Variants in HTATSF1 observed in about 807,000 individuals in gnomAD.
HTATSF1 encodes 17S U2 SnRNP complex component HTATSF1.
A neutral mutation model predicts 46.1 loss-of-function variants in HTATSF1; 6 were observed. That is an observed-to-expected ratio of 0.13 (90% confidence interval 0.07 to 0.26). The LOEUF (loss-of-function observed/expected upper bound fraction) is 0.26. Among genes scored for constraint, HTATSF1 ranks in the 10% least tolerant of loss-of-function variants. The probability of loss-of-function intolerance (pLI) is 1.00; values close to 1 mark genes in which losing one functional copy is unlikely to be tolerated. For synonymous variants in HTATSF1, 226 were observed against 211.5 expected (o/e 1.07, Z -0.60); for missense variants, 452 against 559.9 (o/e 0.81, Z 1.94).
In HTATSF1 at chrX:136,511,347, C is replaced by G; in HGVS notation, c.1602C>G (p.Gly534=). Residue 534 remains glycine (G), a synonymous_variant, in exon 9 of 9, where the codon GGC becomes GGG. Coordinates refer to ENST00000218364, the MANE Select transcript of HTATSF1 (RefSeq NM_014500.5). ...ACAAGGAGTCTGAAGAGGAGGTTGG[C>G]CCCACAAAAGAGTCCGAAGAAGATG... ...DLNKESEEEV[G]PTKESEEDDS... is the part of the protein sequence containing the mutation. 8.3e-7 allele frequency: 1 copy of G among 1,207,633 alleles called. No individual in the cohort carries two copies. Among genetic ancestry groups the G allele is most frequent in the Non-Finnish European group, 1.1e-6 (1 of 894,133 alleles).
Position 136,511,726 on chromosome X carries a change from A to T in HTATSF1, c.1981A>T (p.Lys661Ter). The stretch of plus-strand genomic sequence containing the variant: ...TGAAAAGGGGCTTGAAGCTGCTGAT[A>T]AAAAGGCGGAAGAAGGTGATGCAGA... ...ADEKGLEAAD[K>*]KAEEGDADEK... The change falls in exon 9 of 9, where the codon AAA becomes TAA. Residue 661 changes from lysine to a stop codon, truncating the protein, a stop_gained. Coordinates refer to ENST00000218364, the MANE Select transcript of HTATSF1 (RefSeq NM_014500.5). LOFTEE classifies it high-confidence loss of function. The T allele has an allele frequency of 8.3e-7, 1 of 1,211,725 alleles. No homozygotes were observed. The highest frequency in any genetic ancestry group is 1.1e-6 in the Non-Finnish European group (1 of 895,361).
At position 136,505,363 on chromosome X, in the gene HTATSF1, T is replaced by G. The variant is rs150231585; in HGVS notation, c.834+900T>G. On this transcript the variant is annotated intron_variant, in intron 6 of 8. Transcript: ENST00000218364. ...AGGGCCCCAAAATGGACAGTTCAGC[T>G]CTATCTCAATGAATAGTGTTGTGAT... 1.8e-4 allele frequency among the ~76,000 whole-genome samples: 20 copies of G among 111,819 alleles called. No homozygotes were observed. The East Asian group carries it at 5.6e-3, about 31-fold the overall frequency.
intron 6 of HTATSF1, among the ~76,000 whole-genome samples, chrX:136,508,351 T>G (rs549023632): frequency 1.5e-3 from 173 of 112,361 alleles, no homozygotes; most frequent in South Asian, 2.9e-3. Context: ...GCATTGGTAC[T>G]TGGAGAGAGA....
rs1342011943 is a variant in HTATSF1 at position 136,510,872 on chromosome X, C to T, written c.1127C>T (p.Pro376Leu). Residue 376 changes from proline to leucine, a missense_variant, in exon 9 of 9, where the codon CCT (proline) becomes CTT (leucine). Physicochemically the swap from Pro to Leu is moderately conservative, Grantham distance 98. Coordinates refer to ENST00000218364, the MANE Select transcript of HTATSF1 (RefSeq NM_014500.5). ...LRGWEAFLNA[P>L]EANRGLRRSD... ...GGATGGGAGGCTTTCCTCAATGCTC[C>T]TGAGGCCAACAGAGGCCTTAGGCGT... is the stretch of plus-strand genomic sequence containing the variant. The T allele has an allele frequency of 8.3e-7, 1 of 1,208,432 alleles. No homozygotes were observed. Among genetic ancestry groups the T allele is most frequent in the African/African-American group, 1.8e-5 (1 of 57,125 alleles).
chrX:136,504,433 C>G lies in HTATSF1; in HGVS notation c.804C>G (p.Ile268Met). 8.3e-7 allele frequency: 1 copy of G among 1,207,592 alleles called. No individual in the cohort carries two copies. Among genetic ancestry groups the G allele is most frequent in the Non-Finnish European group, 1.1e-6 (1 of 892,782 alleles). ...TGCGCCATGAGCGAGTTGTCATCAT[C>G]AAGAATATGTTTCATCCTATGGATT... ...SRMRHERVVI[I>M]KNMFHPMDFE... Residue 268 changes from isoleucine (I) to methionine (M), a missense_variant, in exon 6 of 9, where the codon ATC (isoleucine) becomes ATG (methionine). This residue lies in a region of HTATSF1 where 117 missense variants were observed against 222.2 expected (regional missense o/e 0.53). Coordinates refer to ENST00000218364, the MANE Select transcript of HTATSF1 (RefSeq NM_014500.5).
chrX:136,504,539 C>A, intron 6 of HTATSF1, 76 bp downstream of exon 6: 1 of 755,771 alleles, frequency 1.3e-6, no homozygotes. Flanking sequence ...GCTTGCCTCG[C>A]CTCATCTTTG....
At chrX:136,503,470 G>C (rs907229596) in intron 5 of HTATSF1, among the ~76,000 whole-genome samples, 2 of 112,085 alleles carry the variant, frequency 1.8e-5, no homozygotes, top group East Asian at 5.5e-4. Flanking sequence ...TTTTATCAGA[G>C]TAAATTCTAA....
intron 4 of HTATSF1, among the ~76,000 whole-genome samples, chrX:136,501,581 A>G (rs2075718424): frequency 8.9e-6 from 1 of 112,396 alleles, no homozygotes; most frequent in Non-Finnish European, 1.9e-5. Context: ...TGTGTTATAC[A>G]TTATCACAGG....
chrX:136,510,331 C>T (rs1406735050), intron 8 of HTATSF1, 112 bp downstream of exon 8: 17 of 536,424 alleles, frequency 3.2e-5, no homozygotes, highest in Middle Eastern at 4.6e-4. Context: ...AACAATGCTT[C>T]TTTTATTTTT....
Position 136,512,061 on chromosome X carries a change from G to A in HTATSF1, c.*48G>A, listed in dbSNP as rs201412995. ...GAGAGTCCTCCATCTACATTTGCCT[G>A]TGCTTCAGGGTAATTACTAGTAGTG... is the stretch of plus-strand genomic sequence containing the variant. On this transcript the variant is annotated 3_prime_UTR_variant, in exon 9 of 9. Coordinates refer to ENST00000218364, the MANE Select transcript of HTATSF1 (RefSeq NM_014500.5). The A allele has an allele frequency of 1.9e-4, 216 of 1,122,336 alleles. No homozygotes were observed. In the African/African-American group the frequency reaches 3.4e-3, roughly 18 times the overall value. The allele number at this position is 1,122,336 out of a possible 1,213,427, so 92.5% of individuals were successfully genotyped here. A position where few individuals can be genotyped will look rare whatever the true frequency, so the allele number is the denominator to read the frequency against.
At position 136,510,979 on chromosome X, in the gene HTATSF1, A is replaced by G. The variant is rs2075764495; in HGVS notation, c.1234A>G (p.Asn412Asp). 2 of 1,211,624 alleles carry G rather than the reference A, an allele frequency of 1.7e-6. No individual in the cohort carries two copies. The highest frequency in any genetic ancestry group is 1.7e-5 in the African/African-American group (1 of 57,867). ...FSEHPSTSKM[N>D]AQETATGMAF... ...AGAGCACCCCAGCACATCTAAAATGAATGCTCAAGAAACTGCAACTGGAAT... is the reference window on the plus strand; with the variant it reads ...AGAGCACCCCAGCACATCTAAAATGGATGCTCAAGAAACTGCAACTGGAAT... Residue 412 changes from asparagine to aspartate, a missense_variant, in exon 9 of 9, where the codon AAT (asparagine) becomes GAT (aspartate). Asn to Asp is a conservative substitution (Grantham distance 23). This residue lies in a region of HTATSF1 where 246 missense variants were observed against 245.3 expected (regional missense o/e 1.00). Coordinates refer to ENST00000218364, the MANE Select transcript of HTATSF1 (RefSeq NM_014500.5).
At chrX:136,505,683 T>A (rs2075738633) in intron 6 of HTATSF1, among the ~76,000 whole-genome samples, 1 of 111,679 alleles carries the variant, frequency 9.0e-6, no homozygotes, top group Non-Finnish European at 1.9e-5. Context: ...TCCCAGCTAC[T>A]CAGGAGGCTG....
At chrX:136,503,055 TCA>T in intron 5 of HTATSF1, 114 bp downstream of exon 5, 1 of 419,080 alleles carries the variant, frequency 2.4e-6, no homozygotes, top group Non-Finnish European at 3.8e-6. Flanking sequence ...TAAAATAATT[TCA>T]TTAGCTCATC....
chrX:136,506,191 T>G (rs2075741292), intron 6 of HTATSF1, among the ~76,000 whole-genome samples: 1 of 112,090 alleles, frequency 8.9e-6, no homozygotes, highest in Admixed American at 9.4e-5. Flanking sequence ...TAACAAATAT[T>G]CTTTCCCCAA....
chrX:136,510,072 A>C lies in HTATSF1; in HGVS notation c.925-10A>C, dbSNP rs776548430. ...CATTCATTCCTTTTTTTTCTTTCTT[A>C]TCTTTCTAGAGGCACCCAGATGGTG... On this transcript the variant is annotated splice_polypyrimidine_tract_variant and intron_variant, in intron 7 of 8. Transcript: ENST00000218364. 8.5e-7 allele frequency: 1 copy of C among 1,180,329 alleles called. No homozygotes were observed. Among genetic ancestry groups the C allele is most frequent in the East Asian group, 3.0e-5 (1 of 33,146 alleles).
chrX:136,509,529 A>G (rs1308139992), intron 7 of HTATSF1, among the ~76,000 whole-genome samples: 1 of 111,982 alleles, frequency 8.9e-6, no homozygotes, highest in Non-Finnish European at 1.9e-5. Flanking sequence ...ATCAGGGACA[A>G]TATTCTCCTG....
chrX:136,509,174 C>G lies in HTATSF1; in HGVS notation c.918C>G (p.Leu306=). The part of the protein sequence containing the change: ...SKFGQIRKLL[L]FDRHPDGVAS... The stretch of plus-strand genomic sequence containing the variant: ...TTGGACAAATTAGGAAACTCCTTCT[C>G]TTTGATGTAAGTTCATGGCTTGGAC... The change falls in exon 7 of 9, where the codon CTC becomes CTG. Residue 306 remains leucine, a synonymous_variant. Coordinates refer to ENST00000218364, the MANE Select transcript of HTATSF1 (RefSeq NM_014500.5). 1 of 1,178,209 alleles carries G rather than the reference C, an allele frequency of 8.5e-7. No homozygotes were observed. The highest frequency in any genetic ancestry group is 3.0e-5 in the East Asian group (1 of 33,692).
At chrX:136,505,134 CTT>C (rs939533875) in intron 6 of HTATSF1, among the ~76,000 whole-genome samples, 2 of 112,065 alleles carry the variant, frequency 1.8e-5, no homozygotes, top group Admixed American at 9.4e-5. Context: ...AGAAACAACT[CTT>C]TATTCTCTCC....
chrX:136,511,293 C>T lies in HTATSF1; in HGVS notation c.1548C>T (p.Gly516=). The change falls in exon 9 of 9, where the codon GGC becomes GGT. Residue 516 remains glycine (G), a synonymous_variant. Transcript: ENST00000218364. Reference sequence around the variant, plus strand: ...TCAAAAATGATTGTGAAGAGAATGGCCTTGCAAAGGAATCTGAAGATGACC... The same window carrying T: ...TCAAAAATGATTGTGAAGAGAATGGTCTTGCAAAGGAATCTGAAGATGACC... ...KTLKNDCEEN[G]LAKESEDDLN... is the part of the protein sequence containing the mutation. 1.7e-6 allele frequency: 2 copies of T among 1,207,766 alleles called. No individual in the cohort carries two copies. The highest frequency in any genetic ancestry group is 4.6e-4 in the Middle Eastern group (2 of 4,328).
Sources: gnomAD v4.1 joint callset for allele counts (sites outside exome capture counted in the v4.1 genomes callset) on GRCh38, gnomAD v4.1.1 for gene constraint, gnomAD v4.1.1 regional missense constraint, MANE v1.5 for transcripts, NCBI Gene and HGNC (gene_info 2026-07-23, HGNC 2026-07-21) for gene names.